MSMB: variants seen among roughly 807,000 people sequenced by gnomAD.
The protein encoded by MSMB is beta-microseminoprotein.
A neutral mutation model predicts 10.5 loss-of-function variants in MSMB; 10 were observed. That is an observed-to-expected ratio of 0.95 (90% confidence interval 0.59 to 1.62). The LOEUF is 1.62. Among genes scored for constraint, MSMB ranks in the 40% most tolerant of loss-of-function variants. The probability of loss-of-function intolerance (pLI) is 0.00; values close to 1 mark genes in which losing one functional copy is unlikely to be tolerated. For missense variants in MSMB, 126 were observed against 137.4 expected (o/e 0.92, Z 0.42); for synonymous variants, 43 against 46.5 (o/e 0.93, Z 0.30).
intron 1 of MSMB, 150 bp downstream of exon 1, chr10:46,046,085 T>C (rs1160497257): frequency 3.7e-6 from 3 of 806,838 alleles, no homozygotes; most frequent in Admixed American, 3.9e-5. Context: ...TCTCATACTC[T>C]GCACATTGAA....
At chr10:46,043,003 A>T (rs567053352) in intron 1 of MSMB, among the ~76,000 whole-genome samples, 1 of 152,206 alleles carries the variant, frequency 6.6e-6, no homozygotes, top group Non-Finnish European at 1.5e-5. Context: ...TCAAGCCAGG[A>T]CTTGGAGTGG....
At chr10:46,040,173 C>T (rs1840709051) in intron 1 of MSMB, 82 bp from the exon 2 acceptor site, 12 of 1,202,878 alleles carry the variant, frequency 1.0e-5, no homozygotes, top group South Asian at 6.7e-5. Context: ...ACCAGGATCT[C>T]GGCTGGGCTC....
chr10:46,041,712 G>C (rs1483641804), intron 1 of MSMB, among the ~76,000 whole-genome samples: 1 of 151,664 alleles, frequency 6.6e-6, no homozygotes, highest in East Asian at 2.0e-4. Flanking sequence ...AGAATCACTT[G>C]AGCCCAGGAA....
Position 46,040,017 on chromosome 10 carries a change from A to T in MSMB, c.78T>A (p.Pro26=). Residue 26 remains proline, a synonymous_variant, in exon 2 of 4, where the codon CCT becomes CCA. Coordinates refer to ENST00000582163, the MANE Select transcript of MSMB (RefSeq NM_002443.4). ...TLCNASCYFI[P]NEGVPGDSTR... ...TTGAATCTCCTGGAACTCCCTCATT[A>T]GGTATGAAATAGCATGATGCATTGC... 6.2e-7 allele frequency: 1 copy of T among 1,613,940 alleles called. No individual in the cohort carries two copies. The highest frequency in any genetic ancestry group is 8.5e-7 in the Non-Finnish European group (1 of 1,179,800).
At chr10:46,046,110 A>G in intron 1 of MSMB, 125 bp downstream of exon 1, 1 of 1,016,530 alleles carries the variant, frequency 9.8e-7, no homozygotes, top group South Asian at 1.4e-5. Flanking sequence ...AGGTAATAAC[A>G]TAAGGTTCCT....
chr10:46,045,988 C>T (rs1273496967), intron 1 of MSMB, among the ~76,000 whole-genome samples: 5 of 152,050 alleles, frequency 3.3e-5, no homozygotes, highest in African/African-American at 4.8e-5. Flanking sequence ...CTAATTGAAC[C>T]CCAGAATTAC....
intron 3 of MSMB, among the ~76,000 whole-genome samples, chr10:46,036,323 G>A (rs535792157): frequency 5.9e-5 from 9 of 152,326 alleles, no homozygotes; most frequent in South Asian, 2.1e-4. Flanking sequence ...TTCCATGGAG[G>A]AGAAAAAAGT....
intron 3 of MSMB, among the ~76,000 whole-genome samples, chr10:46,035,746 G>A (rs1451349074): frequency 6.6e-6 from 1 of 152,088 alleles, no homozygotes; most frequent in Non-Finnish European, 1.5e-5. Context: ...ATAGTACTGT[G>A]AATGTACTTA....
At chr10:46,038,707 A>C (rs1202320116) in intron 3 of MSMB, among the ~76,000 whole-genome samples, 2 of 152,210 alleles carry the variant, frequency 1.3e-5, no homozygotes, top group African/African-American at 2.4e-5. Flanking sequence ...AGGTAGGTTC[A>C]TCAGTCATAA....
chr10:46,037,376 C>T (rs1414593689), intron 3 of MSMB, among the ~76,000 whole-genome samples: 1 of 152,160 alleles, frequency 6.6e-6, no homozygotes, highest in Non-Finnish European at 1.5e-5. Flanking sequence ...CATTCCTGTT[C>T]CTGCAGAACA....
At position 46,039,974 on chromosome 10, in the gene MSMB, G is replaced by C. The variant is rs1840704161; in HGVS notation, c.109+12C>G. ...GCAATAACATAATAAACATTGAAAAGCCAAGACTTACTCCTGGTTGAATCT... is the reference window on the plus strand; with the variant it reads ...GCAATAACATAATAAACATTGAAAACCCAAGACTTACTCCTGGTTGAATCT... On this transcript the variant is annotated intron_variant, in intron 2 of 3. Coordinates refer to ENST00000582163, the MANE Select transcript of MSMB (RefSeq NM_002443.4). The C allele has an allele frequency of 6.2e-7, 1 of 1,601,272 alleles. No individual in the cohort carries two copies. The highest frequency in any genetic ancestry group is 1.3e-5 in the African/African-American group (1 of 74,792).
chr10:46,039,679 C>T (rs994359680), intron 2 of MSMB, among the ~76,000 whole-genome samples: 1 of 152,152 alleles, frequency 6.6e-6, no homozygotes, highest in Non-Finnish European at 1.5e-5. Context: ...GTCAGGAGTT[C>T]GAGACCAGCC....
chr10:46,040,789 C>T (rs1202749668), intron 1 of MSMB, among the ~76,000 whole-genome samples: 2 of 152,038 alleles, frequency 1.3e-5, no homozygotes, highest in Non-Finnish European at 2.9e-5. Flanking sequence ...CCCGTCTCTA[C>T]TAAAAATACA....
intron 1 of MSMB, 44 bp downstream of exon 1, chr10:46,046,191 C>A (rs1840892710): frequency 2.5e-6 from 4 of 1,585,958 alleles, no homozygotes; most frequent in Non-Finnish European, 3.5e-6. Flanking sequence ...AATACATATT[C>A]TCTTTTGCTT....
chr10:46,040,174 G>T (rs117488930), intron 1 of MSMB, 83 bp from the exon 2 acceptor site: 2 of 1,190,228 alleles, frequency 1.7e-6, no homozygotes, highest in South Asian at 2.7e-5. Context: ...CCAGGATCTC[G>T]GCTGGGCTCT....
At chr10:46,045,613 G>A (rs1238365723) in intron 1 of MSMB, among the ~76,000 whole-genome samples, 2 of 152,164 alleles carry the variant, frequency 1.3e-5, no homozygotes, top group Admixed American at 1.3e-4. Context: ...AAAGGGCCTA[G>A]GGAAATGGTT....
chr10:46,044,854 G>A (rs1840855340), intron 1 of MSMB, among the ~76,000 whole-genome samples: 1 of 152,042 alleles, frequency 6.6e-6, no homozygotes, highest in Admixed American at 6.6e-5. Context: ...AGGATCTTAG[G>A]CAGGCAGAGG....
At chr10:46,045,390 G>A (rs895348395) in intron 1 of MSMB, among the ~76,000 whole-genome samples, 10 of 151,944 alleles carry the variant, frequency 6.6e-5, no homozygotes, top group Non-Finnish European at 1.2e-4. Flanking sequence ...AAATTAGTCG[G>A]GCATGGTGGC....
At chr10:46,039,513 T>C (rs545521592) in intron 2 of MSMB, among the ~76,000 whole-genome samples, 1 of 152,218 alleles carries the variant, frequency 6.6e-6, no homozygotes, top group Admixed American at 6.5e-5. Flanking sequence ...AAGCCACCCA[T>C]GTCTCAGCCT....
Sources: gnomAD v4.1 joint callset for allele counts (sites outside exome capture counted in the v4.1 genomes callset) on GRCh38, gnomAD v4.1.1 for gene constraint, MANE v1.5 for transcripts, NCBI Gene and HGNC (gene_info 2026-07-23, HGNC 2026-07-21) for gene names.